SLC2A8: variants seen among roughly 807,000 people sequenced by gnomAD.
The protein encoded by SLC2A8 is solute carrier family 2, facilitated glucose transporter member 8.
Under a neutral mutation model 49.2 loss-of-function variants are expected in SLC2A8, and 53 were observed. The ratio of observed to expected loss-of-function variants is 1.08; its 90% CI spans 0.86 to 1.35. SLC2A8 has a LOEUF of 1.35. Among genes scored for constraint, SLC2A8 ranks in the 40% most tolerant of loss-of-function variants. The pLI, the probability that SLC2A8 is intolerant of heterozygous loss-of-function variation, is 0.00. For missense variants in SLC2A8, 688 were observed against 671.7 expected (o/e 1.02, Z -0.27); for synonymous variants, 299 against 297.0 (o/e 1.01, Z -0.07).
intron 5 of SLC2A8, among the ~76,000 whole-genome samples, 159 bp downstream of exon 5, chr9:127,402,912 G>C (rs778135268): frequency 6.6e-6 from 1 of 152,216 alleles, no homozygotes; most frequent in Non-Finnish European, 1.5e-5. Context: ...TCCTGTCTTT[G>C]AGCAGGCCAA....
At position 127,403,793 on chromosome 9, in the gene SLC2A8, C is replaced by G; in HGVS notation, c.857C>G (p.Ala286Gly). 6.2e-7 allele frequency: 1 copy of G among 1,612,758 alleles called. No individual in the cohort carries two copies. The highest frequency in any genetic ancestry group is 8.5e-7 in the Non-Finnish European group (1 of 1,179,700). The change falls in exon 6 of 10, where the codon GCC (alanine) becomes GGC (glycine). Residue 286 changes from alanine to glycine, a missense_variant. By Grantham distance (60) the Ala-to-Gly change is moderately conservative. Transcript: ENST00000373371. ...MFYAETIFEE[A>G]KFKDSSLASV... Reference sequence around the variant, plus strand: ...TATGCAGAGACCATCTTTGAAGAGGCCAAGTTCAAGGTAAAAGGGCCCTGC... The same window carrying G: ...TATGCAGAGACCATCTTTGAAGAGGGCAAGTTCAAGGTAAAAGGGCCCTGC...
chr9:127,399,246 A>C lies in SLC2A8; in HGVS notation c.427-661A>C, dbSNP rs1205380531. 6.6e-6 allele frequency among the ~76,000 whole-genome samples: 1 copy of C among 152,208 alleles called. No individual in the cohort carries two copies. The highest frequency in any genetic ancestry group is 1.5e-5 in the Non-Finnish European group (1 of 68,032). On this transcript the variant is annotated intron_variant, in intron 3 of 9. Coordinates refer to ENST00000373371, the MANE Select transcript of SLC2A8 (RefSeq NM_014580.5). This position sits in a 1 kb window ranked among gnomAD's most constrained non-coding sequence, Gnocchi z 4.2. ...ACGTGGAGCTGGTTAACAAGGTGGA[A>C]TCTTTCGCCTGTCCAGACCTACTGC...
rs1325018981 is a variant in SLC2A8, at chr9:127,399,890, C to T, written c.427-17C>T. 9.3e-6 allele frequency: 15 copies of T among 1,608,826 alleles called. No homozygotes were observed. The highest frequency in any genetic ancestry group is 1.3e-5 in the Non-Finnish European group (15 of 1,175,974). On this transcript the variant is annotated splice_polypyrimidine_tract_variant and intron_variant, in intron 3 of 9. Coordinates refer to ENST00000373371, the MANE Select transcript of SLC2A8 (RefSeq NM_014580.5). This position sits in a 1 kb window ranked among gnomAD's most constrained non-coding sequence, Gnocchi z 4.2. ...GCCACTGCGCCCAGCCATAAATCCT[C>T]ATCTGATTGCTGGCAGGTCTACATC... is the stretch of plus-strand genomic sequence containing the variant.
Position 127,399,741 on chromosome 9 carries a change from C to A in SLC2A8, c.427-166C>A, listed in dbSNP as rs576917637. ...GGATTACAGATGTGTGCCACTAGGC[C>A]CAGCTAATTTTGTATTTTTAGTAGA... On this transcript the variant is annotated intron_variant, in intron 3 of 9. Coordinates refer to ENST00000373371, the MANE Select transcript of SLC2A8 (RefSeq NM_014580.5). The surrounding 1 kb of genome is among the most constrained non-coding windows in gnomAD (Gnocchi z 4.2). 6.6e-6 allele frequency among the ~76,000 whole-genome samples: 1 copy of A among 152,054 alleles called. No homozygotes were observed. The highest frequency in any genetic ancestry group is 2.1e-4 in the South Asian group (1 of 4,814).
At chr9:127,397,853 G>A (rs955771215) in intron 2 of SLC2A8, 52 bp from the exon 3 acceptor site, 8 of 1,423,340 alleles carry the variant, frequency 5.6e-6, no homozygotes, top group Non-Finnish European at 7.4e-6. Context: ...GGTGGAGGGG[G>A]AGGATGGGCT....
At position 127,404,981 on chromosome 9, in the gene SLC2A8, C is replaced by T; in HGVS notation, c.1140C>T (p.Leu380=). 6.3e-7 allele frequency: 1 copy of T among 1,599,854 alleles called. No homozygotes were observed. The highest frequency in any genetic ancestry group is 1.3e-5 in the African/African-American group (1 of 74,866). Residue 380 remains leucine, a synonymous_variant, in exon 8 of 10, where the codon CTC becomes CTT. Transcript: ENST00000373371. ...GGCTGGCCGTGGGCAGCATGTGCCT[C>T]TTCATCGCCGGTAAGGGGGCCTGTG... ...LAWLAVGSMC[L]FIAGFAVGWG...
rs1390396746 is a variant in SLC2A8 at position 127,397,524 on chromosome 9, G to A, written c.205G>A (p.Ala69Thr). The change falls in exon 2 of 10, where the codon GCC becomes ACC. Residue 69 changes from alanine to threonine, a missense_variant. Physicochemically the swap from Ala to Thr is moderately conservative, Grantham distance 58. Transcript: ENST00000373371. ...PPAPRLDDAA[A>T]SWFGAVVTLG... ...GGCCCCGCGCCTGGACGACGCCGCC[G>A]CCTCCTGGTTCGGGGTGAGGCCCCG... 1.4e-6 allele frequency: 2 copies of A among 1,422,438 alleles called. No homozygotes were observed. Among genetic ancestry groups the A allele is most frequent in the Admixed American group, 6.4e-5 (2 of 31,058 alleles). 88.1% of individuals were successfully genotyped at this position (1,422,438 alleles called of 1,614,324 possible).
intron 4 of SLC2A8, among the ~76,000 whole-genome samples, chr9:127,400,830 C>T (rs1478304673): frequency 6.6e-6 from 1 of 152,176 alleles, no homozygotes; most frequent in Non-Finnish European, 1.5e-5. Flanking sequence ...CCCAGTGGCT[C>T]ACACCTGTAA....
intron 4 of SLC2A8, among the ~76,000 whole-genome samples, chr9:127,400,586 A>T (rs1406471153): frequency 6.6e-6 from 1 of 152,170 alleles, no homozygotes. Flanking sequence ...GTGCAGTGAC[A>T]AACCAGAGGG....
At chr9:127,397,789 C>T in intron 2 of SLC2A8, 116 bp from the exon 3 acceptor site, 3 of 1,185,610 alleles carry the variant, frequency 2.5e-6, no homozygotes, top group South Asian at 1.6e-5. Flanking sequence ...CTACCCCTCC[C>T]CTCGGGACGG....
At chr9:127,397,630 C>T in intron 2 of SLC2A8, 92 bp downstream of exon 2, 1 of 1,348,498 alleles carries the variant, frequency 7.4e-7, no homozygotes, top group South Asian at 1.7e-5. Flanking sequence ...CCCTTCCCCT[C>T]GGGACAGGCA....
At chr9:127,400,081 G>T (rs1236724101) in intron 4 of SLC2A8, 75 bp downstream of exon 4, 2 of 1,322,782 alleles carry the variant, frequency 1.5e-6, no homozygotes, top group African/African-American at 2.9e-5. Context: ...CAGAGGTTCA[G>T]TGAGGTCAAG....
At chr9:127,401,877 G>C (rs536788958) in intron 4 of SLC2A8, among the ~76,000 whole-genome samples, 25 of 152,176 alleles carry the variant, frequency 1.6e-4, no homozygotes, top group Non-Finnish European at 2.1e-4. Context: ...TTGGGCTTAG[G>C]AAAAATTAGT....
In SLC2A8 at chr9:127,402,635, T is replaced by C; in HGVS notation, c.605T>C (p.Met202Thr). 2 of 1,597,400 alleles carry C rather than the reference T, an allele frequency of 1.3e-6. No homozygotes were observed. Among genetic ancestry groups the C allele is most frequent in the South Asian group, 1.1e-5 (1 of 88,392 alleles). Reference sequence around the variant, plus strand: ...CTCATGCTGCTTCTCATGTGCTTCATGCCCGAGACCCCGCGCTTCCTGCTG... The same window carrying C: ...CTCATGCTGCTTCTCATGTGCTTCACGCCCGAGACCCCGCGCTTCCTGCTG... ...PSLMLLLMCF[M>T]PETPRFLLTQ... The change falls in exon 5 of 10, where the codon ATG (methionine) becomes ACG (threonine). Residue 202 changes from methionine (M) to threonine (T), a missense_variant. Met to Thr is a moderately conservative substitution (Grantham distance 81, BLOSUM62 -1). Transcript: ENST00000373371.
chr9:127,404,889 T>G lies in SLC2A8; in HGVS notation c.1048T>G (p.Ser350Ala), dbSNP rs753194272. 2 of 1,612,684 alleles carry G rather than the reference T, an allele frequency of 1.2e-6. No homozygotes were observed. The change falls in exon 8 of 10, where the codon TCC (serine) becomes GCC (alanine). Residue 350 changes from serine (S) to alanine (A), a missense_variant. Physicochemically the swap from Ser to Ala is moderately conservative, Grantham distance 99. Transcript: ENST00000373371. ...FKLTQGGPGN[S>A]SHVAISAPVS... ...GCTGACCCAGGGTGGCCCTGGCAAC[T>G]CCTCGCACGTGGCCATCTCGGCGCC...
chr9:127,406,552 G>GGAGAGA (rs139499911), intron 9 of SLC2A8, among the ~76,000 whole-genome samples: 2 of 151,902 alleles, frequency 1.3e-5, no homozygotes, highest in African/African-American at 4.8e-5. Flanking sequence ...CTTCGAGGAG[G>GGAGAGA]GAGAGATCGC....
intron 7 of SLC2A8, 67 bp from the exon 8 acceptor site, chr9:127,404,751 A>G (rs1833424052): frequency 6.5e-7 from 1 of 1,529,578 alleles, no homozygotes; most frequent in African/African-American, 1.4e-5. Flanking sequence ...AGAGGCATCC[A>G]GGCCATGCTG....
At chr9:127,398,193 G>T in intron 3 of SLC2A8, 82 bp downstream of exon 3, 2 of 1,444,988 alleles carry the variant, frequency 1.4e-6, no homozygotes, top group Non-Finnish European at 1.9e-6. Context: ...CAGGCCTGGG[G>T]GCGCGGCTCC....
At chr9:127,400,931 T>A (rs1015924673) in intron 4 of SLC2A8, among the ~76,000 whole-genome samples, 2 of 152,102 alleles carry the variant, frequency 1.3e-5, no homozygotes, top group Non-Finnish European at 2.9e-5. Flanking sequence ...CCCATTTCTA[T>A]TTAAAATACA....
Sources: allele counts gnomAD v4.1 joint callset (sites outside exome capture counted in the v4.1 genomes callset), GRCh38; gene constraint gnomAD v4.1.1; non-coding constraint Gnocchi (gnomAD v3.1); transcripts MANE v1.5; gene names NCBI Gene and HGNC (gene_info 2026-07-23, HGNC 2026-07-21).